CEP128: variants seen among roughly 807,000 people sequenced by gnomAD.
The protein encoded by CEP128 is centrosomal protein 128, also known as centrosomal protein 128kDa.
In CEP128, 132 loss-of-function variants were observed where a neutral mutation model predicts 156.7. The observed-to-expected ratio is 0.84, with a 90% CI of 0.73 to 0.97. CEP128 has a LOEUF of 0.97. Ranked by LOEUF, CEP128 falls within the 50% of genes least tolerant of loss-of-function variation. The pLI is 0.00. For synonymous variants in CEP128, 469 were observed against 448.9 expected (o/e 1.04, Z -0.57); for missense variants, 1,252 against 1,281.9 (o/e 0.98, Z 0.36).
intron 13 of CEP128, among the ~76,000 whole-genome samples, chr14:80,800,271 A>G (rs1275944401): frequency 6.6e-6 from 1 of 152,208 alleles, no homozygotes; most frequent in African/African-American, 2.4e-5. Context: ...TGGACTCAAT[A>G]ACACCGACTT....
chr14:80,805,507 C>A (rs1196347659), intron 13 of CEP128, among the ~76,000 whole-genome samples: 1 of 152,050 alleles, frequency 6.6e-6, no homozygotes, highest in African/African-American at 2.4e-5. Context: ...CCAGTACTAA[C>A]CCCTAACTGA....
chr14:80,818,126 C>T (rs1158757343), intron 13 of CEP128, among the ~76,000 whole-genome samples: 1 of 152,012 alleles, frequency 6.6e-6, no homozygotes, highest in Non-Finnish European at 1.5e-5. Context: ...CTCAAGTGAT[C>T]CTCTCACCTC....
intron 13 of CEP128, among the ~76,000 whole-genome samples, chr14:80,810,017 A>G (rs1884414426): frequency 6.6e-6 from 1 of 152,096 alleles, no homozygotes; most frequent in African/African-American, 2.4e-5. Flanking sequence ...AGCAAAAAAG[A>G]AAGGAATAAA....
rs1195460253 is a variant in CEP128 at position 80,576,261 on chromosome 14, CTGATCT to C, written c.2856+4107_2856+4112del. Among the ~76,000 whole-genome samples, 8 of 152,216 alleles carry C rather than the reference CTGATCT, an allele frequency of 5.3e-5. No homozygotes were observed. The East Asian group carries it at 1.5e-3, about 29-fold the overall frequency. ...TTGTGTGTCTATTTTAAAGTTTCAG[CTGATCT>C]TGAGAGGAATGAAAAAGGGATTTGC... is the stretch of plus-strand genomic sequence containing the variant. On this transcript the variant is annotated intron_variant, in intron 20 of 24. Coordinates refer to ENST00000555265, the MANE Select transcript of CEP128 (RefSeq NM_152446.5).
intron 18 of CEP128, among the ~76,000 whole-genome samples, 191 bp downstream of exon 18, chr14:80,756,701 A>G (rs1410446735): frequency 2.6e-5 from 4 of 152,162 alleles, no homozygotes; most frequent in Non-Finnish European, 4.4e-5. Context: ...CTAGGCCTAC[A>G]TATTTAACTT....
rs758190545 is a variant in CEP128 at position 80,778,018 on chromosome 14, G to C, written c.2240C>G (p.Ala747Gly). The C allele has an allele frequency of 1.5e-5, 24 of 1,613,174 alleles. No individual in the cohort carries two copies. In the South Asian group the frequency reaches 2.5e-4, roughly 17 times the overall value. ...CTCCAGCTGACCACGATGAATTTTA[G>C]CCATATTCTTCTCTTCTAAACTTTC... Reference protein sequence around the residue: ...KAESLEEKNMAKIHRGQLEKL... With the variant: ...KAESLEEKNMGKIHRGQLEKL... The change falls in exon 16 of 25, where the codon GCT becomes GGT. Residue 747 changes from alanine (A) to glycine (G), a missense_variant. Physicochemically the swap from Ala to Gly is moderately conservative, Grantham distance 60. Coordinates refer to ENST00000555265, the MANE Select transcript of CEP128 (RefSeq NM_152446.5).
At chr14:80,792,274 G>A (rs895130572) in intron 14 of CEP128, among the ~76,000 whole-genome samples, 2 of 152,176 alleles carry the variant, frequency 1.3e-5, no homozygotes, top group Non-Finnish European at 2.9e-5. Context: ...TCAGTGTCAC[G>A]CATTTAAGTA....
At chr14:80,821,105 G>GTACTAT (rs1436431396) in intron 13 of CEP128, among the ~76,000 whole-genome samples, 2 of 152,158 alleles carry the variant, frequency 1.3e-5, no homozygotes. Context: ...AAGATAATTT[G>GTACTAT]TACTATTTGA....
intron 19 of CEP128, among the ~76,000 whole-genome samples, chr14:80,591,932 G>A (rs192932121): frequency 6.6e-6 from 1 of 152,256 alleles, no homozygotes; most frequent in East Asian, 1.9e-4. Flanking sequence ...AATTAAGGCT[G>A]AAATAAAAAA....
At chr14:80,648,608 T>C (rs971102785) in intron 19 of CEP128, among the ~76,000 whole-genome samples, 1 of 152,124 alleles carries the variant, frequency 6.6e-6, no homozygotes, top group African/African-American at 2.4e-5. Flanking sequence ...TTGATTTTAA[T>C]TAATAAAGGA....
At chr14:80,835,103 C>T (rs1283878342) in intron 12 of CEP128, among the ~76,000 whole-genome samples, 3 of 152,032 alleles carry the variant, frequency 2.0e-5, no homozygotes, top group African/African-American at 7.2e-5. Context: ...GTTGTCAGAA[C>T]GCCAGGACAT....
intron 19 of CEP128, among the ~76,000 whole-genome samples, chr14:80,725,503 A>G (rs1038748698): frequency 4.6e-5 from 7 of 152,036 alleles, no homozygotes; most frequent in African/African-American, 1.7e-4. Context: ...TTTCCTGCAG[A>G]TAATTTACTC....
intron 2 of CEP128, among the ~76,000 whole-genome samples, chr14:80,929,504 G>A (rs1391760299): frequency 6.6e-6 from 1 of 152,200 alleles, no homozygotes; most frequent in Non-Finnish European, 1.5e-5. Context: ...TAAGGAAAAT[G>A]TGGTATATAT....
At chr14:80,926,158 G>A (rs10132220) in intron 2 of CEP128, among the ~76,000 whole-genome samples, 24,510 of 152,146 alleles carry the variant, frequency 0.16, 3,699 homozygotes, top group African/African-American at 0.41. Flanking sequence ...GGCAGAAAGT[G>A]TGCTATAGCC....
chr14:80,872,294 A>T (rs766832729), intron 8 of CEP128, among the ~76,000 whole-genome samples: 1 of 152,226 alleles, frequency 6.6e-6, no homozygotes, highest in African/African-American at 2.4e-5. Context: ...AAGTGTTAAT[A>T]GAAAATATTT....
rs141083703 is a variant in CEP128, at chr14:80,718,440, A to C, written c.2806+24635T>G. Among the ~76,000 whole-genome samples, 14 of 152,368 alleles carry C rather than the reference A, an allele frequency of 9.2e-5. No homozygotes were observed. The East Asian group carries it at 2.7e-3, about 29-fold the overall frequency. On this transcript the variant is annotated intron_variant, in intron 19 of 24. Transcript: ENST00000555265. ...TATGGCATAAAAAGACAACAGTTTT[A>C]GTAATTAAATCATACAGTCTACAAG...
intron 13 of CEP128, among the ~76,000 whole-genome samples, chr14:80,829,266 G>A (rs1885652141): frequency 6.6e-6 from 1 of 152,122 alleles, no homozygotes. Flanking sequence ...AATGCAACTA[G>A]TTAATGCTAA....
chr14:80,527,430 A>G (rs11159467), intron 22 of CEP128, among the ~76,000 whole-genome samples: 6 of 141,764 alleles, frequency 4.2e-5, no homozygotes, highest in African/African-American at 1.6e-4. Flanking sequence ...GGCTCTGTCT[A>G]AAAAAAAAAA....
At chr14:80,619,821 T>A (rs966041847) in intron 19 of CEP128, among the ~76,000 whole-genome samples, 1 of 151,560 alleles carries the variant, frequency 6.6e-6, no homozygotes, top group Non-Finnish European at 1.5e-5. Flanking sequence ...AGGTGAGGCA[T>A]AGGTGGAGAA....
Sources: gnomAD v4.1 joint callset for allele counts (sites outside exome capture counted in the v4.1 genomes callset) on GRCh38, gnomAD v4.1.1 for gene constraint, MANE v1.5 for transcripts, NCBI Gene and HGNC (gene_info 2026-07-23, HGNC 2026-07-21) for gene names.